The following POF1B variants were observed in gnomAD, a reference collection of about 807,000 sequenced individuals.
POF1B encodes POF1B actin binding protein, also known as protein POF1B.
A neutral mutation model predicts 55.3 loss-of-function variants in POF1B; 53 were observed. That is an observed-to-expected ratio of 0.96 (90% CI 0.77 to 1.20). The LOEUF (loss-of-function observed/expected upper bound fraction) is 1.20, where lower values mean the gene tolerates loss of function less well. Ranked by LOEUF, POF1B falls within the 50% of genes most tolerant of loss-of-function variation. The pLI, the probability that POF1B is intolerant of heterozygous loss-of-function variation, is 0.00. For synonymous variants in POF1B, 188 were observed against 148.3 expected, an observed-to-expected ratio of 1.27 and a Z score of -1.95; for missense variants, 478 against 420.5, an observed-to-expected ratio of 1.14 and a Z score of -1.20.
chrX:85,303,122 C>T (rs1203443469), intron 15 of POF1B, among the ~76,000 whole-genome samples: 5 of 111,481 alleles, frequency 4.5e-5, no homozygotes, highest in African/African-American at 1.6e-4. Flanking sequence ...TCTCTTGTCA[C>T]ATGAAACAGA....
intron 6 of POF1B, among the ~76,000 whole-genome samples, chrX:85,341,181 T>C (rs186553611): frequency 1.3e-3 from 145 of 111,080 alleles, no homozygotes; most frequent in African/African-American, 4.5e-3. Context: ...ATACCCATAC[T>C]ATAAGTTTAT....
At chrX:85,299,302 T>TA (rs778253335) in intron 15 of POF1B, among the ~76,000 whole-genome samples, 10,343 of 100,755 alleles carry the variant, frequency 0.1, 504 homozygotes, top group South Asian at 0.15. Flanking sequence ...TTTTTTTTTT[T>TA]TTTTGAGACG....
intron 5 of POF1B, among the ~76,000 whole-genome samples, chrX:85,348,106 G>T (rs1256260879): frequency 9.0e-6 from 1 of 110,986 alleles, no homozygotes; most frequent in African/African-American, 3.3e-5. Context: ...CTTTGTTAAT[G>T]TATCAGTTGT....
intron 4 of POF1B, 82 bp from the exon 5 acceptor site, chrX:85,351,533 G>A (rs780490285): frequency 1.8e-5 from 12 of 670,702 alleles, no homozygotes; most frequent in Non-Finnish European, 2.5e-5. Context: ...ATCCAGTGTC[G>A]AATAGGCTCT....
At chrX:85,305,492 G>A (rs1932549274) in intron 13 of POF1B, among the ~76,000 whole-genome samples, 1 of 110,394 alleles carries the variant, frequency 9.1e-6, no homozygotes, top group African/African-American at 3.3e-5. Context: ...GCATGCTTTA[G>A]GCAAGATCAT....
chrX:85,351,391 C>T lies in POF1B; in HGVS notation c.499G>A (p.Glu167Lys), dbSNP rs143029658. The change falls in exon 5 of 17, where the codon GAA becomes AAA. Residue 167 changes from glutamate (E) to lysine (K), a missense_variant. Physicochemically the swap from Glu to Lys is moderately conservative, Grantham distance 56 (BLOSUM62 1). Transcript: ENST00000262753. Reference sequence around the variant, plus strand: ...TTCTCCACTTTTCTTATTGTTTTTTCATAAATAACATTGTTTCCTGGGAAG... The same window carrying T: ...TTCTCCACTTTTCTTATTGTTTTTTTATAAATAACATTGTTTCCTGGGAAG... ...HFFPGNNVIY[E>K]KTIRKVEKLN... is the part of the protein sequence containing the mutation. 8.4e-7 allele frequency: 1 copy of T among 1,197,081 alleles called. No individual in the cohort carries two copies. The highest frequency in any genetic ancestry group is 1.1e-6 in the Non-Finnish European group (1 of 886,392).
At chrX:85,300,067 A>G (rs992173795) in intron 15 of POF1B, among the ~76,000 whole-genome samples, 1 of 112,665 alleles carries the variant, frequency 8.9e-6, no homozygotes, top group Non-Finnish European at 1.9e-5. Context: ...TGAGGTGGCT[A>G]TAATAGTTCA....
intron 15 of POF1B, among the ~76,000 whole-genome samples, chrX:85,289,019 T>G (rs188074220): frequency 9.0e-6 from 1 of 111,082 alleles, no homozygotes; most frequent in Admixed American, 9.6e-5. Flanking sequence ...AATGGTGGAC[T>G]TGGTGGAGAG....
In POF1B at chrX:85,308,165, T is replaced by C; in HGVS notation, c.1009A>G (p.Asn337Asp). The C allele has an allele frequency of 8.4e-7, 1 of 1,195,532 alleles. No individual in the cohort carries two copies. The highest frequency in any genetic ancestry group is 1.1e-6 in the Non-Finnish European group (1 of 885,288). The change falls in exon 10 of 17, where the codon AAC (asparagine) becomes GAC (aspartate). Residue 337 changes from asparagine (N) to aspartate (D), a missense_variant. By Grantham distance (23) the Asn-to-Asp change is conservative. Transcript: ENST00000262753. Reference sequence around the variant, plus strand: ...AGATGTCCAAGCTCCTCCCGTATGTTGCTAAATGTGGACAGCACTAGTCGG... The same window carrying C: ...AGATGTCCAAGCTCCTCCCGTATGTCGCTAAATGTGGACAGCACTAGTCGG... ...SLRLVLSTFS[N>D]IREELGHLQN...
intron 6 of POF1B, among the ~76,000 whole-genome samples, chrX:85,341,208 T>C (rs1933165300): frequency 9.0e-6 from 1 of 110,796 alleles, no homozygotes; most frequent in Non-Finnish European, 1.9e-5. Context: ...TGAAAATACA[T>C]GCATGCCATT....
intron 7 of POF1B, among the ~76,000 whole-genome samples, chrX:85,327,894 C>T (rs1932915225): frequency 8.9e-6 from 1 of 111,784 alleles, no homozygotes; most frequent in African/African-American, 3.2e-5. Flanking sequence ...CACTTAATAT[C>T]AGAATTTTAA....
chrX:85,368,191 T>G (rs1933761993), intron 2 of POF1B, among the ~76,000 whole-genome samples: 1 of 111,909 alleles, frequency 8.9e-6, no homozygotes, highest in African/African-American at 3.2e-5. Flanking sequence ...TACATGGATA[T>G]TTTGCATAGT....
intron 6 of POF1B, among the ~76,000 whole-genome samples, chrX:85,345,067 T>C (rs1257793384): frequency 8.9e-6 from 1 of 111,833 alleles, no homozygotes; most frequent in Non-Finnish European, 1.9e-5. Flanking sequence ...TTATGTGGGC[T>C]GGCTCCTTCT....
intron 3 of POF1B, among the ~76,000 whole-genome samples, chrX:85,361,929 CTAGT>C (rs1933628824): frequency 9.3e-6 from 1 of 107,820 alleles, no homozygotes; most frequent in African/African-American, 3.4e-5. Flanking sequence ...TTTCACCTCA[CTAGT>C]TAGCTGTATC....
At chrX:85,330,158 T>C (rs1483486883) in intron 7 of POF1B, among the ~76,000 whole-genome samples, 1 of 109,887 alleles carries the variant, frequency 9.1e-6, no homozygotes, top group Non-Finnish European at 1.9e-5. Context: ...TTTTGGGGTG[T>C]AGCTTATAGA....
chrX:85,349,554 T>C (rs986515203), intron 5 of POF1B, among the ~76,000 whole-genome samples: 2 of 110,665 alleles, frequency 1.8e-5, no homozygotes. Context: ...GGTGTCCTTA[T>C]AAAAATGCAA....
intron 6 of POF1B, among the ~76,000 whole-genome samples, chrX:85,339,834 T>C (rs1319226326): frequency 9.0e-6 from 1 of 111,405 alleles, no homozygotes; most frequent in African/African-American, 3.3e-5. Flanking sequence ...TTGCTGAAGG[T>C]ATAGAAAAAA....
In POF1B at chrX:85,288,760, C is replaced by A. The variant is rs371621515; in HGVS notation, c.1650-6443G>T. 1.1e-4 allele frequency among the ~76,000 whole-genome samples: 12 copies of A among 110,983 alleles called. No individual in the cohort carries two copies. The East Asian group carries it at 2.9e-3, about 27-fold the overall frequency. On this transcript the variant is annotated intron_variant, in intron 15 of 16. Coordinates refer to ENST00000262753, the MANE Select transcript of POF1B (RefSeq NM_024921.4). ...TTTGCATCTTTCTCATTTTCTCTTG[C>A]CACTGCCATGTTAAGAAGTGCCTTT...
At chrX:85,284,275 T>G (rs906760567) in intron 15 of POF1B, among the ~76,000 whole-genome samples, 5 of 111,526 alleles carry the variant, frequency 4.5e-5, no homozygotes, top group Non-Finnish European at 7.5e-5. Context: ...AAGCTACCAA[T>G]GACTTTTTTC....
Sources: allele counts gnomAD v4.1 joint callset (sites outside exome capture counted in the v4.1 genomes callset), GRCh38; gene constraint gnomAD v4.1.1; transcripts MANE v1.5; gene names NCBI Gene and HGNC (gene_info 2026-07-23, HGNC 2026-07-21).